Variants in TUNAR observed in about 807,000 individuals in gnomAD.
The protein encoded by TUNAR is transmembrane neural differentiation associated intracellular calcium regulator.
chr14:95,882,918 T>C (rs1265874381), intron 2 of TUNAR, among the ~76,000 whole-genome samples: 1 of 152,260 alleles, frequency 6.6e-6, no homozygotes, highest in Non-Finnish European at 1.5e-5. Context: ...TGAATGCCCC[T>C]GAGAGCATCA....
chr14:95,920,094 C>T, intron 2 of TUNAR, among the ~76,000 whole-genome samples: 1 of 152,136 alleles, frequency 6.6e-6, no homozygotes, highest in Non-Finnish European at 1.5e-5. Flanking sequence ...AGTGAACGAG[C>T]CACAGCTATA....
chr14:95,905,652 T>A (rs1889418618), intron 2 of TUNAR, among the ~76,000 whole-genome samples: 1 of 152,222 alleles, frequency 6.6e-6, no homozygotes, highest in South Asian at 2.1e-4. Context: ...TTCTTCGTAA[T>A]TGATAAATAC....
Position 95,887,188 on chromosome 14 carries a change from A to G in TUNAR, c.12+10011A>G, listed in dbSNP as rs115853718. Among the ~76,000 whole-genome samples, 455 of 152,300 alleles carry G rather than the reference A, an allele frequency of 3.0e-3. 2 individuals carry two copies. The highest frequency in any genetic ancestry group is 0.01 in the African/African-American group (435 of 41,544). ...ACCTAGTGCACACTTACGTACATAC[A>G]TAAGTTTAAGCCAAACCATCTCATG... On this transcript the variant is annotated intron_variant, in intron 2 of 2. Coordinates refer to ENST00000678517, the Ensembl canonical transcript of TUNAR.
At chr14:95,892,943 C>T (rs1232960311) in intron 2 of TUNAR, among the ~76,000 whole-genome samples, 2 of 152,142 alleles carry the variant, frequency 1.3e-5, no homozygotes, top group Non-Finnish European at 2.9e-5. Flanking sequence ...GCCATGTAAC[C>T]CCAGTGGGAG....
chr14:95,888,294 G>A (rs529109721), intron 2 of TUNAR, among the ~76,000 whole-genome samples: 11 of 152,336 alleles, frequency 7.2e-5, no homozygotes, highest in African/African-American at 2.2e-4. Context: ...TTCACTGAAT[G>A]TGTACAATAG....
intron 2 of TUNAR, among the ~76,000 whole-genome samples, chr14:95,911,071 A>G (rs1219316155): frequency 6.6e-6 from 1 of 152,234 alleles, no homozygotes; most frequent in African/African-American, 2.4e-5. Context: ...TTGAACATCC[A>G]TGTACCTATT....
At chr14:95,878,788 T>G (rs779347783) in intron 2 of TUNAR, among the ~76,000 whole-genome samples, 10 of 152,194 alleles carry the variant, frequency 6.6e-5, no homozygotes, top group Non-Finnish European at 1.0e-4. Context: ...AGATTGGGGT[T>G]GTGGGATAGG....
At chr14:95,903,179 G>A (rs1430994989) in intron 2 of TUNAR, among the ~76,000 whole-genome samples, 2 of 152,176 alleles carry the variant, frequency 1.3e-5, no homozygotes, top group Non-Finnish European at 2.9e-5. Context: ...GAGGAAAGGG[G>A]AGATGTTTCT....
chr14:95,907,934 T>C (rs771018561), intron 2 of TUNAR, among the ~76,000 whole-genome samples: 2 of 152,208 alleles, frequency 1.3e-5, no homozygotes, highest in Non-Finnish European at 2.9e-5. Flanking sequence ...TGGCTGAACC[T>C]GGGGCTTTTA....
At chr14:95,896,797 A>G (rs1460707440) in intron 2 of TUNAR, among the ~76,000 whole-genome samples, 1 of 152,214 alleles carries the variant, frequency 6.6e-6, no homozygotes, top group African/African-American at 2.4e-5. Context: ...AGTACTCTGC[A>G]GTTTGCAGCT....
intron 2 of TUNAR, among the ~76,000 whole-genome samples, chr14:95,911,246 T>G (rs1889508198): frequency 6.6e-6 from 1 of 152,174 alleles, no homozygotes; most frequent in Admixed American, 6.5e-5. Flanking sequence ...TTTCTTCACA[T>G]CTGCCAGTCC....
intron 2 of TUNAR, among the ~76,000 whole-genome samples, chr14:95,892,514 T>C (rs1158542331): frequency 6.6e-6 from 1 of 152,186 alleles, no homozygotes; most frequent in Admixed American, 6.5e-5. Flanking sequence ...CAGGGTATCA[T>C]TTTGACCTCA....
At chr14:95,891,449 G>T (rs942932788) in intron 2 of TUNAR, among the ~76,000 whole-genome samples, 1 of 152,172 alleles carries the variant, frequency 6.6e-6, no homozygotes, top group African/African-American at 2.4e-5. Flanking sequence ...ACCCCTTCGG[G>T]GGCACAGGTC....
chr14:95,909,384 A>G (rs1485927336), intron 2 of TUNAR, among the ~76,000 whole-genome samples: 1 of 150,498 alleles, frequency 6.6e-6, no homozygotes, highest in Non-Finnish European at 1.5e-5. Context: ...CCCGGGTTCA[A>G]GCGATTTTCC....
chr14:95,910,116 A>G (rs937482532), intron 2 of TUNAR, among the ~76,000 whole-genome samples: 3 of 152,198 alleles, frequency 2.0e-5, no homozygotes, highest in Admixed American at 2.0e-4. Flanking sequence ...TAGTACCTAC[A>G]AACTTCCTGG....
rs1220884763 is a variant in TUNAR, at chr14:95,876,565, G to GGTGGGCGCCCCGCCGCTGCGGTCGC, written c.-341_-317dup. 4 of 152,810 alleles carry GGTGGGCGCCCCGCCGCTGCGGTCGC rather than the reference G, an allele frequency of 2.6e-5. No homozygotes were observed. In the East Asian group the frequency reaches 7.7e-4, roughly 29 times the overall value. 9.5% of individuals were successfully genotyped at this position (152,810 alleles called of 1,614,324 possible). Reference sequence around the variant, plus strand: ...GTGCGCACTGCTGTGCTTGCGGCCGGGTGGGCGCCCCGCCGCTGCGGTCGC... The same window carrying GGTGGGCGCCCCGCCGCTGCGGTCGC: ...GTGCGCACTGCTGTGCTTGCGGCCGGGTGGGCGCCCCGCCGCTGCGGTCGCGTGGGCGCCCCGCCGCTGCGGTCGC... On this transcript the variant is annotated 5_prime_UTR_variant, in exon 1 of 3. Coordinates refer to ENST00000678517, the Ensembl canonical transcript of TUNAR.
At chr14:95,923,177 C>G (rs980994638) in exon 3 of TUNAR, 1 of 380,638 alleles carries the variant, frequency 2.6e-6, no homozygotes, top group African/African-American at 2.1e-5. Flanking sequence ...TCCAACAAAA[C>G]TCATTCACAG....
rs1889249676 is a variant in TUNAR at position 95,895,572 on chromosome 14, TG to T, written c.12+18397del. On this transcript the variant is annotated intron_variant, in intron 2 of 2. Transcript: ENST00000678517. This position sits in a 1 kb window ranked among gnomAD's most constrained non-coding sequence, Gnocchi z 4.5. ...GTTCCCGACGCATCCTCCAGGATCA[TG>T]GTTCGCTCAGCCTCACATTGCTACA... Among the ~76,000 whole-genome samples the T allele has an allele frequency of 6.6e-6, 1 of 152,182 alleles. No homozygotes were observed. The highest frequency in any genetic ancestry group is 2.1e-4 in the South Asian group (1 of 4,832).
At chr14:95,887,941 G>A (rs1889104724) in intron 2 of TUNAR, among the ~76,000 whole-genome samples, 1 of 152,218 alleles carries the variant, frequency 6.6e-6, no homozygotes, top group Non-Finnish European at 1.5e-5. Flanking sequence ...GCTGCACTTG[G>A]CTGGCGGCAC....
Sources: gnomAD v4.1 joint callset for allele counts (sites outside exome capture counted in the v4.1 genomes callset) on GRCh38, gnomAD v4.1.1 for gene constraint, Gnocchi (gnomAD v3.1) non-coding constraint, MANE v1.5 for transcripts, NCBI Gene and HGNC (gene_info 2026-07-23, HGNC 2026-07-21) for gene names.